The following KCTD8 variants were observed in gnomAD, a reference collection of about 807,000 sequenced individuals.
KCTD8 encodes potassium channel tetramerization domain containing 8.
In KCTD8, 27 loss-of-function variants were observed where a neutral mutation model predicts 31.5. That is an observed-to-expected ratio of 0.86 (90% CI 0.63 to 1.18). KCTD8 has a LOEUF of 1.18. KCTD8 is among the 50% of genes most tolerant of loss of function. The probability of loss-of-function intolerance (pLI) is 0.00; values close to 1 mark genes in which losing one functional copy is unlikely to be tolerated. For missense variants in KCTD8, 658 were observed against 647.7 expected (o/e 1.02, Z -0.17); for synonymous variants, 290 against 280.0 (o/e 1.04, Z -0.36).
chr4:44,230,178 G>T (rs1715082281), intron 1 of KCTD8, among the ~76,000 whole-genome samples: 1 of 152,116 alleles, frequency 6.6e-6, no homozygotes, highest in African/African-American at 2.4e-5. Flanking sequence ...CTGGTAACTT[G>T]GATACTTTCC....
chr4:44,338,695 G>C (rs930440225), intron 1 of KCTD8, among the ~76,000 whole-genome samples: 3 of 152,124 alleles, frequency 2.0e-5, no homozygotes, highest in African/African-American at 7.2e-5. Context: ...GAAGTTTTCT[G>C]AAATTTGTGA....
In KCTD8 at chr4:44,378,522, C is replaced by G. The variant is rs147960718; in HGVS notation, c.961+69041G>C. Among the ~76,000 whole-genome samples, 630 of 152,014 alleles carry G rather than the reference C, an allele frequency of 4.1e-3. 6 individuals are homozygous for G. Among genetic ancestry groups the G allele is most frequent in the Non-Finnish European group, 4.3e-3 (289 of 67,954 alleles). On this transcript the variant is annotated intron_variant, in intron 1 of 1. Transcript: ENST00000360029. ...GTAAACTGGGAATTATCTTTGTTAACTGAATGTATCACCTATCATATTATG... is the reference window on the plus strand; with the variant it reads ...GTAAACTGGGAATTATCTTTGTTAAGTGAATGTATCACCTATCATATTATG...
chr4:44,357,437 T>C (rs1368800485), intron 1 of KCTD8, among the ~76,000 whole-genome samples: 1 of 152,128 alleles, frequency 6.6e-6, no homozygotes, highest in Non-Finnish European at 1.5e-5. Context: ...TAATTATAGA[T>C]AAAACCATAA....
chr4:44,434,956 T>C (rs1471483718), intron 1 of KCTD8, among the ~76,000 whole-genome samples: 1 of 149,068 alleles, frequency 6.7e-6, no homozygotes, highest in Non-Finnish European at 1.5e-5. Flanking sequence ...CTGTCCATAA[T>C]TGTACTCTAT....
At chr4:44,447,350 C>A (rs189181852) in intron 1 of KCTD8, among the ~76,000 whole-genome samples, 1 of 152,158 alleles carries the variant, frequency 6.6e-6, no homozygotes, top group African/African-American at 2.4e-5. Flanking sequence ...CTACTGAGTT[C>A]TAGAAAGGGG....
At chr4:44,347,548 C>T (rs1486898218) in intron 1 of KCTD8, among the ~76,000 whole-genome samples, 1 of 152,190 alleles carries the variant, frequency 6.6e-6, no homozygotes, top group Non-Finnish European at 1.5e-5. Flanking sequence ...ATTAGTTCCA[C>T]ATTGTTTAGT....
chr4:44,349,539 C>T (rs905136792), intron 1 of KCTD8, among the ~76,000 whole-genome samples: 1 of 152,148 alleles, frequency 6.6e-6, no homozygotes, highest in Non-Finnish European at 1.5e-5. Context: ...AAGCTAATGT[C>T]ATCCTGAAAG....
In KCTD8 at chr4:44,238,888, C is replaced by T. The variant is rs569691377; in HGVS notation, c.962-63638G>A. Reference sequence around the variant, plus strand: ...TAAGTTTTCTAAATTATAAATTATTCCCAAAATAAATGTTGCACATCCAAA... The same window carrying T: ...TAAGTTTTCTAAATTATAAATTATTTCCAAAATAAATGTTGCACATCCAAA... On this transcript the variant is annotated intron_variant, in intron 1 of 1. Coordinates refer to ENST00000360029, the MANE Select transcript of KCTD8 (RefSeq NM_198353.3). Among the ~76,000 whole-genome samples the T allele has an allele frequency of 7.2e-5, 11 of 152,044 alleles. No individual in the cohort carries two copies. In the East Asian group the frequency reaches 2.1e-3, roughly 29 times the overall value.
intron 1 of KCTD8, among the ~76,000 whole-genome samples, chr4:44,203,376 G>T (rs764839177): frequency 6.6e-6 from 1 of 151,538 alleles, no homozygotes; most frequent in African/African-American, 2.4e-5. Flanking sequence ...GGAGGCAGGC[G>T]CTTGTAATCC....
At chr4:44,357,657 T>C (rs1391148064) in intron 1 of KCTD8, among the ~76,000 whole-genome samples, 1 of 152,132 alleles carries the variant, frequency 6.6e-6, no homozygotes. Context: ...AGACATATAC[T>C]TCAGAGGATG....
intron 1 of KCTD8, among the ~76,000 whole-genome samples, chr4:44,397,830 T>G (rs1313476840): frequency 6.6e-6 from 1 of 152,152 alleles, no homozygotes; most frequent in Non-Finnish European, 1.5e-5. Flanking sequence ...TTACAAGAAT[T>G]TTAAACTTTT....
At chr4:44,410,087 A>T (rs909538483) in intron 1 of KCTD8, among the ~76,000 whole-genome samples, 1 of 152,078 alleles carries the variant, frequency 6.6e-6, no homozygotes, top group Admixed American at 6.6e-5. Context: ...GTATCACACA[A>T]TTCCCTCCCT....
chr4:44,356,683 G>A (rs1719352001), intron 1 of KCTD8, among the ~76,000 whole-genome samples: 1 of 152,126 alleles, frequency 6.6e-6, no homozygotes. Context: ...TGTTGGCCAG[G>A]CTGGTCTCGA....
chr4:44,316,672 C>T (rs980457111), intron 1 of KCTD8, among the ~76,000 whole-genome samples: 18 of 151,322 alleles, frequency 1.2e-4, no homozygotes, highest in Admixed American at 6.6e-5. Context: ...GAAATCAGGC[C>T]GGGCGTGGTG....
intron 1 of KCTD8, among the ~76,000 whole-genome samples, chr4:44,424,032 A>G (rs1405506858): frequency 2.0e-5 from 3 of 152,064 alleles, no homozygotes; most frequent in Non-Finnish European, 4.4e-5. Flanking sequence ...TAGTTTCTAT[A>G]AGTTTTGTCT....
rs561681585 is a variant in KCTD8 at position 44,417,724 on chromosome 4, C to T, written c.961+29839G>A. 1.9e-3 allele frequency among the ~76,000 whole-genome samples: 246 copies of T among 127,922 alleles called. 1 individual carries two copies. Among genetic ancestry groups the T allele is most frequent in the African/African-American group, 7.3e-3 (235 of 32,260 alleles). The allele number at this position is 127,922 out of a possible 152,430, so 83.9% of individuals were successfully genotyped here. ...AAGGACTAAATAAGTTGGCATTAGC[C>T]AACTATATCTACTAGACCTATTGTC... On this transcript the variant is annotated intron_variant, in intron 1 of 1. Transcript: ENST00000360029.
At chr4:44,176,407 G>A (rs1713215910) in intron 1 of KCTD8, among the ~76,000 whole-genome samples, 1 of 152,110 alleles carries the variant, frequency 6.6e-6, no homozygotes, top group Admixed American at 6.5e-5. Context: ...GGTGCCACCT[G>A]GCCATCAGGT....
chr4:44,367,251 T>C (rs1284356993), intron 1 of KCTD8, among the ~76,000 whole-genome samples: 2 of 152,302 alleles, frequency 1.3e-5, no homozygotes. Context: ...CATTACGATA[T>C]GATAAGCCGC....
chr4:44,411,414 G>C (rs1234352183), intron 1 of KCTD8, among the ~76,000 whole-genome samples: 1 of 149,416 alleles, frequency 6.7e-6, no homozygotes, highest in Non-Finnish European at 1.5e-5. Context: ...GAGGGAGGGA[G>C]GAAAATGATG....
Sources: allele counts gnomAD v4.1 joint callset (sites outside exome capture counted in the v4.1 genomes callset), GRCh38; gene constraint gnomAD v4.1.1; transcripts MANE v1.5; gene names NCBI Gene and HGNC (gene_info 2026-07-23, HGNC 2026-07-21).